The following SULT4A1 variants were observed in gnomAD, a reference collection of about 807,000 sequenced individuals.
SULT4A1 encodes sulfotransferase 4A1.
A neutral mutation model predicts 35.2 loss-of-function variants in SULT4A1; 11 were observed. The ratio of observed to expected loss-of-function variants is 0.31; its 90% CI spans 0.20 to 0.52. The LOEUF is 0.52. Ranked by LOEUF, SULT4A1 falls within the 20% of genes least tolerant of loss-of-function variation. SULT4A1 has a pLI of 0.97. For missense variants in SULT4A1, 271 were observed against 383.7 expected (o/e 0.71, Z 2.45); for synonymous variants, 152 against 151.8 (o/e 1.00, Z -0.01).
chr22:43,858,631 G>A (rs1247397154), intron 1 of SULT4A1, among the ~76,000 whole-genome samples: 1 of 152,108 alleles, frequency 6.6e-6, no homozygotes, highest in African/African-American at 2.4e-5. Flanking sequence ...ACCCTGTGTG[G>A]TAAAGCTCAA....
chr22:43,854,776 G>A (rs1015257070), intron 1 of SULT4A1, among the ~76,000 whole-genome samples: 1 of 152,192 alleles, frequency 6.6e-6, no homozygotes, highest in Non-Finnish European at 1.5e-5. Context: ...CTGGCAGGCT[G>A]AGCCCCAGGG....
chr22:43,832,422 G>A (rs373585922), intron 5 of SULT4A1, among the ~76,000 whole-genome samples: 2 of 152,278 alleles, frequency 1.3e-5, no homozygotes, highest in Admixed American at 6.5e-5. Flanking sequence ...ACCTGCAGAC[G>A]GGGTCCTTCC....
intron 6 of SULT4A1, chr22:43,826,827 A>G: frequency 2.0e-6 from 2 of 985,452 alleles, no homozygotes; most frequent in Non-Finnish European, 2.4e-6. Flanking sequence ...TGAGTCAACA[A>G]TAAAATGAGT....
chr22:43,832,138 C>T (rs1215017128), intron 5 of SULT4A1, among the ~76,000 whole-genome samples: 1 of 152,190 alleles, frequency 6.6e-6, no homozygotes, highest in Non-Finnish European at 1.5e-5. Flanking sequence ...AGCGGCAGGA[C>T]CAGGGTTCCA....
chr22:43,839,030 T>C, intron 3 of SULT4A1, 37 bp from the exon 4 acceptor site: 8 of 1,607,988 alleles, frequency 5.0e-6, no homozygotes, highest in East Asian at 4.5e-5. Context: ...CCGTGTCTCC[T>C]TCCCTCCCAG....
At chr22:43,826,364 A>G (rs2063286762) in intron 6 of SULT4A1, 2 of 985,186 alleles carry the variant, frequency 2.0e-6, no homozygotes, top group South Asian at 9.4e-5. Flanking sequence ...GTGAGCCACA[A>G]CCACCTCCTG....
intron 1 of SULT4A1, among the ~76,000 whole-genome samples, chr22:43,861,886 G>T (rs2148314393): frequency 6.6e-6 from 1 of 152,356 alleles, no homozygotes; most frequent in African/African-American, 2.4e-5. Context: ...AGCCAGCCAG[G>T]TAAAGGGAGA....
intron 1 of SULT4A1, among the ~76,000 whole-genome samples, chr22:43,856,999 T>C (rs1000111178): frequency 2.0e-5 from 3 of 151,932 alleles, no homozygotes; most frequent in Non-Finnish European, 4.4e-5. Flanking sequence ...ATTAGACTCA[T>C]GGAATTTTTA....
intron 5 of SULT4A1, among the ~76,000 whole-genome samples, chr22:43,831,561 C>T (rs1432224912): frequency 2.0e-5 from 3 of 152,202 alleles, no homozygotes; most frequent in Admixed American, 2.0e-4. Context: ...AAATGGCCTC[C>T]ACGCCCGGCA....
In SULT4A1 at chr22:43,862,509, G is replaced by T; in HGVS notation, c.-127C>A. The T allele has an allele frequency of 1.1e-6, 1 of 869,838 alleles. No homozygotes were observed. Among genetic ancestry groups the T allele is most frequent in the Non-Finnish European group, 1.4e-6 (1 of 727,456 alleles). 53.9% of individuals were successfully genotyped at this position (869,838 alleles called of 1,614,324 possible). On this transcript the variant is annotated 5_prime_UTR_variant, in exon 1 of 7. Transcript: ENST00000330884. ...GGCGCGCGGCGGCAGCTCCGCAGGC[G>T]TGACGTCATGGCGCCGCCGACGCGC...
At chr22:43,830,304 C>G (rs1161746144) in intron 5 of SULT4A1, among the ~76,000 whole-genome samples, 1 of 152,246 alleles carries the variant, frequency 6.6e-6, no homozygotes, top group East Asian at 1.9e-4. Context: ...GAAGAGATGC[C>G]GCAAGAAGGA....
At chr22:43,843,884 A>G (rs988615812) in intron 1 of SULT4A1, among the ~76,000 whole-genome samples, 1 of 152,216 alleles carries the variant, frequency 6.6e-6, no homozygotes, top group African/African-American at 2.4e-5. Context: ...GCGAACCCCA[A>G]TTTATAGCCA....
At chr22:43,845,131 C>T (rs2063465337) in intron 1 of SULT4A1, among the ~76,000 whole-genome samples, 2 of 152,342 alleles carry the variant, frequency 1.3e-5, no homozygotes, top group South Asian at 4.1e-4. Flanking sequence ...CCAGAAGAAA[C>T]GGGCACAGCT....
At position 43,840,815 on chromosome 22, in the gene SULT4A1, T is replaced by C. The variant is rs907903285; in HGVS notation, c.301-790A>G. Among the ~76,000 whole-genome samples the C allele has an allele frequency of 1.3e-4, 20 of 152,322 alleles. 1 individual carries two copies. The highest frequency in any genetic ancestry group is 4.8e-4 in the African/African-American group (20 of 41,578). On this transcript the variant is annotated intron_variant, in intron 2 of 6. Coordinates refer to ENST00000330884, the MANE Select transcript of SULT4A1 (RefSeq NM_014351.4). ...CATGAAGCCAAAGAGCCCGGAACCG[T>C]TGCCTGCAACCCCCAGGCTTGCCTA...
At chr22:43,851,592 T>C (rs2049342623) in intron 1 of SULT4A1, among the ~76,000 whole-genome samples, 1 of 152,076 alleles carries the variant, frequency 6.6e-6, no homozygotes, top group Admixed American at 6.6e-5. Flanking sequence ...GGTCAATTTC[T>C]CAAAAGAGGG....
intron 1 of SULT4A1, among the ~76,000 whole-genome samples, chr22:43,853,577 A>T (rs2049368202): frequency 6.6e-6 from 1 of 152,196 alleles, no homozygotes; most frequent in Admixed American, 6.5e-5. Context: ...TGACCAGTCC[A>T]GGAAGCTCCG....
chr22:43,861,850 G>A (rs908805493), intron 1 of SULT4A1, among the ~76,000 whole-genome samples: 1 of 152,250 alleles, frequency 6.6e-6, no homozygotes, highest in Non-Finnish European at 1.5e-5. Flanking sequence ...GAACAGAGAG[G>A]TTGAGTGACC....
intron 1 of SULT4A1, among the ~76,000 whole-genome samples, chr22:43,843,903 G>A (rs1299252910): frequency 6.6e-6 from 1 of 152,230 alleles, no homozygotes; most frequent in Non-Finnish European, 1.5e-5. Context: ...CAGTGGGTGA[G>A]ACACACAGGC....
intron 1 of SULT4A1, among the ~76,000 whole-genome samples, chr22:43,848,909 C>T (rs762037283): frequency 3.3e-5 from 5 of 152,228 alleles, no homozygotes; most frequent in African/African-American, 7.2e-5. Flanking sequence ...GCCAGTGACT[C>T]GAGCCAAACG....
Sources: allele counts gnomAD v4.1 joint callset (sites outside exome capture counted in the v4.1 genomes callset), GRCh38; gene constraint gnomAD v4.1.1; transcripts MANE v1.5; gene names NCBI Gene and HGNC (gene_info 2026-07-23, HGNC 2026-07-21).